SNTG1: variants seen among roughly 807,000 people sequenced by gnomAD.
SNTG1 encodes the protein syntrophin gamma 1.
Under a neutral mutation model 74.7 loss-of-function variants are expected in SNTG1, and 39 were observed. That is an observed-to-expected ratio of 0.52 (90% CI 0.40 to 0.68). SNTG1 has a LOEUF of 0.68. Among genes scored for constraint, SNTG1 ranks in the 30% least tolerant of loss-of-function variants. SNTG1 has a pLI of 0.00. For synonymous variants in SNTG1, 254 were observed against 217.1 expected, an observed-to-expected ratio of 1.17 and a Z score of -1.49; for missense variants, 685 against 609.5, an observed-to-expected ratio of 1.12 and a Z score of -1.30.
chr8:50,430,185 T>A (rs1213318936), intron 4 of SNTG1, among the ~76,000 whole-genome samples: 1 of 152,210 alleles, frequency 6.6e-6, no homozygotes, highest in African/African-American at 2.4e-5. Flanking sequence ...CAACTGTGAC[T>A]ATGCTAAAAG....
intron 1 of SNTG1, among the ~76,000 whole-genome samples, chr8:49,988,895 AGAT>A (rs1813420931): frequency 6.6e-6 from 1 of 151,964 alleles, no homozygotes; most frequent in Non-Finnish European, 1.5e-5. Flanking sequence ...GGAATAAAAA[AGAT>A]GAGAGAAAAA....
intron 1 of SNTG1, among the ~76,000 whole-genome samples, chr8:49,912,822 T>A (rs1449712094): frequency 1.3e-5 from 2 of 152,208 alleles, no homozygotes; most frequent in Non-Finnish European, 2.9e-5. Context: ...TCAAGATTGC[T>A]TTCTCAAACC....
At chr8:50,312,592 G>A (rs1225964803) in intron 2 of SNTG1, among the ~76,000 whole-genome samples, 4 of 149,684 alleles carry the variant, frequency 2.7e-5, no homozygotes, top group Admixed American at 6.8e-5. Context: ...CAAGGGTTTG[G>A]GTTAAAAAGT....
intron 5 of SNTG1, among the ~76,000 whole-genome samples, chr8:50,440,459 T>C (rs2093348313): frequency 6.6e-6 from 1 of 152,162 alleles, no homozygotes; most frequent in Non-Finnish European, 1.5e-5. Flanking sequence ...CCCTGTCATA[T>C]ATGAGTTGAA....
At chr8:50,071,149 A>T in intron 1 of SNTG1, among the ~76,000 whole-genome samples, 1 of 152,162 alleles carries the variant, frequency 6.6e-6, no homozygotes, top group Non-Finnish European at 1.5e-5. Flanking sequence ...TCCTAAGGGA[A>T]GAATACAAAA....
chr8:50,492,135 T>C (rs12547235), intron 8 of SNTG1, among the ~76,000 whole-genome samples: 95,688 of 152,102 alleles, frequency 0.63, 32,821 homozygotes, highest in Non-Finnish European at 0.77. Flanking sequence ...CAGTCTATCA[T>C]TGATGGGCAT....
At chr8:50,410,247 G>A (rs1302215991) in intron 4 of SNTG1, among the ~76,000 whole-genome samples, 1 of 152,102 alleles carries the variant, frequency 6.6e-6, no homozygotes, top group East Asian at 1.9e-4. Flanking sequence ...GGTCATCTGG[G>A]AGGCATGGTG....
chr8:50,000,865 G>A (rs1563453290), intron 1 of SNTG1, among the ~76,000 whole-genome samples: 1 of 152,180 alleles, frequency 6.6e-6, no homozygotes, highest in Admixed American at 6.6e-5. Context: ...AGGAGAACAA[G>A]TGAAACTGTT....
intron 3 of SNTG1, among the ~76,000 whole-genome samples, 169 bp downstream of exon 3, chr8:50,394,434 A>C (rs947192472): frequency 6.6e-6 from 1 of 152,214 alleles, no homozygotes. Flanking sequence ...TAGAAAACCT[A>C]ACTGTGCATG....
chr8:49,933,682 C>T (rs1283675662), intron 1 of SNTG1, among the ~76,000 whole-genome samples: 4 of 152,144 alleles, frequency 2.6e-5, no homozygotes, highest in Admixed American at 2.6e-4. Flanking sequence ...GTTTTTTGAA[C>T]TCTCAATTTT....
At chr8:50,737,592 T>C (rs577894689) in intron 17 of SNTG1, among the ~76,000 whole-genome samples, 1 of 151,928 alleles carries the variant, frequency 6.6e-6, no homozygotes, top group Non-Finnish European at 1.5e-5. Context: ...CAAAACCTAG[T>C]AGAGACACAA....
At chr8:50,032,475 C>CT (rs1817814763) in intron 1 of SNTG1, among the ~76,000 whole-genome samples, 1 of 151,990 alleles carries the variant, frequency 6.6e-6, no homozygotes, top group South Asian at 2.1e-4. Context: ...TTCTGTCTTG[C>CT]TAGGCTGCTT....
chr8:49,984,293 C>T (rs1812951439), intron 1 of SNTG1, among the ~76,000 whole-genome samples: 1 of 151,920 alleles, frequency 6.6e-6, no homozygotes, highest in Admixed American at 6.6e-5. Context: ...GCATCTTCCG[C>T]CTCCCAGATT....
intron 2 of SNTG1, among the ~76,000 whole-genome samples, chr8:50,324,774 A>AT (rs1026819594): frequency 6.6e-5 from 10 of 151,892 alleles, no homozygotes; most frequent in African/African-American, 2.4e-4. Flanking sequence ...CTTATCAATA[A>AT]TTTCTTTCAT....
chr8:50,254,961 T>TC (rs1473722835), intron 2 of SNTG1, among the ~76,000 whole-genome samples: 1 of 149,172 alleles, frequency 6.7e-6, no homozygotes, highest in African/African-American at 2.4e-5. Context: ...TTTTTTTTTT[T>TC]TTTTTTTTTT....
chr8:50,423,286 A>G (rs2093119340), intron 4 of SNTG1, among the ~76,000 whole-genome samples: 1 of 152,222 alleles, frequency 6.6e-6, no homozygotes, highest in South Asian at 2.1e-4. Context: ...TGTTATGTTT[A>G]TAGCATGTAA....
intron 1 of SNTG1, among the ~76,000 whole-genome samples, chr8:49,998,587 G>GACACACACACACAC (rs56162374): frequency 2.7e-4 from 37 of 136,918 alleles, no homozygotes; most frequent in African/African-American, 5.5e-4. Flanking sequence ...TAAAAATTAA[G>GACACACACACACAC]ACACACACAC....
chr8:50,546,020 C>A (rs1447993845), intron 11 of SNTG1, among the ~76,000 whole-genome samples: 1 of 151,764 alleles, frequency 6.6e-6, no homozygotes, highest in Non-Finnish European at 1.5e-5. Context: ...GGAGGAAGCA[C>A]AATCAGCGAA....
At chr8:50,438,659 G>T (rs1563387970) in intron 5 of SNTG1, 60 bp downstream of exon 5, 3 of 1,367,482 alleles carry the variant, frequency 2.2e-6, no homozygotes, top group Admixed American at 1.7e-5. Context: ...GAACTTTGGT[G>T]CATTTCAATG....
Sources: allele counts gnomAD v4.1 joint callset (sites outside exome capture counted in the v4.1 genomes callset), GRCh38; gene constraint gnomAD v4.1.1; transcripts MANE v1.5; gene names NCBI Gene and HGNC (gene_info 2026-07-23, HGNC 2026-07-21).